Variants in ZNF609 observed in about 807,000 individuals in gnomAD.
ZNF609 encodes the protein zinc finger protein 609.
A neutral mutation model predicts 109.5 loss-of-function variants in ZNF609; 11 were observed. That is an observed-to-expected ratio of 0.10 (90% CI 0.06 to 0.17). ZNF609 has a LOEUF of 0.17. Among genes scored for constraint, ZNF609 ranks in the 10% least tolerant of loss-of-function variants. The pLI, the probability that ZNF609 is intolerant of heterozygous loss-of-function variation, is 1.00. For synonymous variants in ZNF609, 646 were observed against 662.0 expected (o/e 0.98, Z 0.37); for missense variants, 1,559 against 1,772.4 (o/e 0.88, Z 2.16).
chr15:64,666,286 T>C (rs1456046248), intron 3 of ZNF609, among the ~76,000 whole-genome samples: 1 of 142,508 alleles, frequency 7.0e-6, no homozygotes. Context: ...CCCAGCTACT[T>C]GGGAGGCTGA....
At chr15:64,509,085 C>T (rs926376101) in intron 2 of ZNF609, among the ~76,000 whole-genome samples, 59 of 152,126 alleles carry the variant, frequency 3.9e-4, no homozygotes, top group Non-Finnish European at 7.9e-4. Flanking sequence ...GCACCCTTCC[C>T]TCTTAATAGT....
At chr15:64,681,068 T>C (rs564804445) in intron 8 of ZNF609, among the ~76,000 whole-genome samples, 2 of 152,290 alleles carry the variant, frequency 1.3e-5, no homozygotes, top group East Asian at 3.9e-4. Flanking sequence ...CCCTTGGAGT[T>C]TGGGGACTCT....
At chr15:64,646,593 C>A (rs918796435) in intron 3 of ZNF609, among the ~76,000 whole-genome samples, 6 of 137,420 alleles carry the variant, frequency 4.4e-5, no homozygotes, top group Non-Finnish European at 6.1e-5. Context: ...AAGATCGTGC[C>A]ACTGCACTCC....
intron 3 of ZNF609, among the ~76,000 whole-genome samples, chr15:64,644,695 A>T (rs1302902834): frequency 1.3e-5 from 2 of 152,198 alleles, no homozygotes; most frequent in African/African-American, 4.8e-5. Context: ...TGTAAGTCCA[A>T]AGTGGATACT....
rs554307974 is a variant in ZNF609, at chr15:64,516,088, G to A, written c.747+15922G>A. The stretch of plus-strand genomic sequence containing the variant: ...TGGCATTCAGGCCAGAGAAAAGTCA[G>A]GGAAGATAGTTGGAAAATAAAACCC... On this transcript the variant is annotated intron_variant, in intron 2 of 9. Coordinates refer to ENST00000326648, the MANE Select transcript of ZNF609 (RefSeq NM_015042.2). Among the ~76,000 whole-genome samples the A allele has an allele frequency of 1.9e-3, 286 of 152,248 alleles. 1 individual carries two copies. The highest frequency in any genetic ancestry group is 6.8e-3 in the Middle Eastern group (2 of 294).
intron 1 of ZNF609, among the ~76,000 whole-genome samples, chr15:64,471,124 G>A (rs1047933608): frequency 6.6e-6 from 1 of 152,112 alleles, no homozygotes; most frequent in Non-Finnish European, 1.5e-5. Flanking sequence ...CACTTTGAGA[G>A]GCCAAGGCTG....
chr15:64,681,728 C>A lies in ZNF609; in HGVS notation c.*42C>A, dbSNP rs974316098. ...CCGGATAAAGTCAGCTTCACGGGCC[C>A]GGACTGGCTTACCCAAGGAGGTGCT... On this transcript the variant is annotated 3_prime_UTR_variant, in exon 10 of 10. Coordinates refer to ENST00000326648, the MANE Select transcript of ZNF609 (RefSeq NM_015042.2). The A allele has an allele frequency of 5.5e-5, 12 of 216,346 alleles. 1 individual carries two copies. The highest frequency in any genetic ancestry group is 1.1e-4 in the Non-Finnish European group (12 of 107,452). The allele number at this position is 216,346 out of a possible 1,614,324, so 13.4% of individuals were successfully genotyped here.
intron 2 of ZNF609, chr15:64,528,540 G>A (rs934669756): frequency 1.8e-6 from 1 of 556,884 alleles, no homozygotes; most frequent in Non-Finnish European, 3.3e-6. Flanking sequence ...CTCTCCAAGG[G>A]GTCTGCATGG....
intron 3 of ZNF609, among the ~76,000 whole-genome samples, chr15:64,661,274 C>G (rs1044717445): frequency 6.6e-6 from 1 of 152,168 alleles, no homozygotes; most frequent in African/African-American, 2.4e-5. Flanking sequence ...GTATCACTAT[C>G]TGACATATGC....
intron 2 of ZNF609, among the ~76,000 whole-genome samples, chr15:64,544,349 C>T (rs867764321): frequency 2.0e-4 from 30 of 152,140 alleles, no homozygotes; most frequent in Middle Eastern, 6.8e-3. Context: ...AAGAAAAGTT[C>T]TCAACTTGAG....
chr15:64,633,816 G>C (rs781727094), intron 3 of ZNF609, among the ~76,000 whole-genome samples: 37 of 151,784 alleles, frequency 2.4e-4, no homozygotes, highest in Non-Finnish European at 5.3e-4. Flanking sequence ...GGGAGGTAGA[G>C]GTTGCAGTGA....
chr15:64,675,607 G>A lies in ZNF609; in HGVS notation c.2753G>A (p.Gly918Glu). ...PGALNPSSQA[G>E]VESQALKTKR... The stretch of plus-strand genomic sequence containing the variant: ...GCTCTGAACCCCAGCAGCCAGGCAG[G>A]AGTGGAGAGCCAGGCCCTGAAGACA... The change falls in exon 5 of 10, where the codon GGA becomes GAA. Residue 918 changes from glycine to glutamate, a missense_variant. Gly to Glu is a moderately conservative substitution (Grantham distance 98). Around this residue, in one of 4 missense-constraint regions of ZNF609, gnomAD observed 1,204 missense variants for 1,314.1 expected, o/e 0.92. Transcript: ENST00000326648. 6.2e-7 allele frequency: 1 copy of A among 1,614,134 alleles called. No individual in the cohort carries two copies. Among genetic ancestry groups the A allele is most frequent in the Non-Finnish European group, 8.5e-7 (1 of 1,180,044 alleles).
intron 1 of ZNF609, among the ~76,000 whole-genome samples, chr15:64,482,026 G>A (rs542686414): frequency 6.6e-6 from 1 of 152,268 alleles, no homozygotes; most frequent in Admixed American, 6.5e-5. Flanking sequence ...TTTGTGATCC[G>A]CCTGCCTTGG....
At chr15:64,548,851 A>T (rs1433554332) in intron 2 of ZNF609, among the ~76,000 whole-genome samples, 1 of 152,250 alleles carries the variant, frequency 6.6e-6, no homozygotes, top group Non-Finnish European at 1.5e-5. Flanking sequence ...ATGTCAAAAC[A>T]ACCTACTTGA....
intron 3 of ZNF609, among the ~76,000 whole-genome samples, chr15:64,665,308 C>T (rs978697042): frequency 2.6e-5 from 4 of 152,186 alleles, no homozygotes; most frequent in African/African-American, 9.7e-5. Flanking sequence ...TGTGTCAGGC[C>T]TTAGAGTCTG....
chr15:64,663,285 A>G (rs2141006202), intron 3 of ZNF609, among the ~76,000 whole-genome samples: 1 of 152,298 alleles, frequency 6.6e-6, no homozygotes, highest in Admixed American at 6.5e-5. Flanking sequence ...GCTGATGGTC[A>G]GGTGTGGGGA....
intron 2 of ZNF609, among the ~76,000 whole-genome samples, chr15:64,577,094 A>G (rs9745097): frequency 9.3e-5 from 12 of 129,330 alleles, no homozygotes; most frequent in African/African-American, 2.4e-4. Context: ...ACATATATGT[A>G]TATATACACA....
chr15:64,471,342 CAG>C (rs1319899619), intron 1 of ZNF609: 4 of 148,526 alleles, frequency 2.7e-5, no homozygotes, highest in Non-Finnish European at 1.5e-5. Flanking sequence ...GCCTGGGTGA[CAG>C]AGCAAAATTG....
chr15:64,516,237 C>A (rs1567002726), intron 2 of ZNF609, among the ~76,000 whole-genome samples: 1 of 152,172 alleles, frequency 6.6e-6, no homozygotes, highest in African/African-American at 2.4e-5. Context: ...CCAGGCCAAT[C>A]CTACTTTAAT....
Sources: gnomAD v4.1 joint callset for allele counts (sites outside exome capture counted in the v4.1 genomes callset) on GRCh38, gnomAD v4.1.1 for gene constraint, gnomAD v4.1.1 regional missense constraint, MANE v1.5 for transcripts, NCBI Gene and HGNC (gene_info 2026-07-23, HGNC 2026-07-21) for gene names.